SEMA3D: variants seen among roughly 807,000 people sequenced by gnomAD.
The protein encoded by SEMA3D is semaphorin 3D.
In SEMA3D, 84 loss-of-function variants were observed where a neutral mutation model predicts 100.1. The ratio of observed to expected loss-of-function variants is 0.84; its 90% CI spans 0.70 to 1.01. The LOEUF is 1.01. Ranked by LOEUF, SEMA3D falls within the 50% of genes least tolerant of loss-of-function variation. SEMA3D has a pLI of 0.00. For missense variants in SEMA3D, 875 were observed against 934.1 expected (o/e 0.94, Z 0.82); for synonymous variants, 312 against 320.7 (o/e 0.97, Z 0.29).
intron 3 of SEMA3D, among the ~76,000 whole-genome samples, chr7:85,098,323 TA>T (rs1315163744): frequency 6.6e-6 from 1 of 151,718 alleles, no homozygotes; most frequent in African/African-American, 2.4e-5. Context: ...TTAAAATGAA[TA>T]AAAAACATGT....
rs894451948 is a variant in SEMA3D, at chr7:84,996,763, C to A, written c.*2677G>T. The A allele has an allele frequency of 6.6e-6, 1 of 151,928 alleles. No homozygotes were observed. The highest frequency in any genetic ancestry group is 2.1e-4 in the South Asian group (1 of 4,824). The allele number at this position is 151,928 out of a possible 1,614,324, so 9.4% of individuals were successfully genotyped here. A position where few individuals can be genotyped will look rare whatever the true frequency, so the allele number is the denominator to read the frequency against. On this transcript the variant is annotated 3_prime_UTR_variant, in exon 19 of 19. Transcript: ENST00000284136. ...CATGAGTAAACAGGCATTTTAAGAT[C>A]CCCTCCGCAGAGTCAATTTCTTAGC...
chr7:85,136,707 A>G (rs1484021618), intron 2 of SEMA3D, among the ~76,000 whole-genome samples: 2 of 152,140 alleles, frequency 1.3e-5, no homozygotes, highest in African/African-American at 4.8e-5. Flanking sequence ...CTGGGAAAAT[A>G]CATTTTTATT....
Position 85,169,770 on chromosome 7 carries a change from A to AT in SEMA3D, c.-172-16032dup, listed in dbSNP as rs371379171. On this transcript the variant is annotated intron_variant, in intron 1 of 18. Transcript: ENST00000284136. ...ATTCTTTTTTCAAAACTCTACTTAC[A>AT]TTTTTTTTCATTTGCAGATACAAAA... is the stretch of plus-strand genomic sequence containing the variant. Among the ~76,000 whole-genome samples the AT allele has an allele frequency of 2.6e-5, 4 of 151,428 alleles. No homozygotes were observed. The East Asian group carries it at 5.8e-4, about 22-fold the overall frequency.
At chr7:85,096,361 A>G (rs1788554068) in intron 4 of SEMA3D, among the ~76,000 whole-genome samples, 1 of 151,968 alleles carries the variant, frequency 6.6e-6, no homozygotes, top group Non-Finnish European at 1.5e-5. Flanking sequence ...AAATTCTAGT[A>G]CATAATCAAC....
the SEMA3D span, among the ~76,000 whole-genome samples, chr7:85,244,749 T>C: frequency 2.0e-5 from 3 of 149,822 alleles, no homozygotes; most frequent in South Asian, 4.3e-4. Flanking sequence ...TCTCACTCTG[T>C]TGTCAGGCTG....
At chr7:85,174,021 C>A (rs1043256276) in intron 1 of SEMA3D, among the ~76,000 whole-genome samples, 2 of 152,048 alleles carry the variant, frequency 1.3e-5, no homozygotes, top group African/African-American at 4.8e-5. Flanking sequence ...AGGTGTCGAG[C>A]CAGGGCTCCT....
intron 3 of SEMA3D, among the ~76,000 whole-genome samples, chr7:85,112,100 T>C (rs1376490081): frequency 6.6e-6 from 1 of 152,176 alleles, no homozygotes. Context: ...TATATCATAC[T>C]GAATCCAGAT....
chr7:84,997,887 C>G lies in SEMA3D; in HGVS notation c.*1553G>C, dbSNP rs1486344219. ...GTGTTACAAGAAGGAAAGGTGAGTT[C>G]TGCTTAAACAGACAGGAAACACACC... On this transcript the variant is annotated 3_prime_UTR_variant, in exon 19 of 19. Coordinates refer to ENST00000284136, the MANE Select transcript of SEMA3D (RefSeq NM_001384900.1). 2 of 152,118 alleles carry G rather than the reference C, an allele frequency of 1.3e-5. No homozygotes were observed. The highest frequency in any genetic ancestry group is 4.8e-5 in the African/African-American group (2 of 41,408). 9.4% of individuals were successfully genotyped at this position (152,118 alleles called of 1,614,324 possible).
At position 85,055,812 on chromosome 7, in the gene SEMA3D, C is replaced by G. The variant is rs771593015; in HGVS notation, c.766G>C (p.Asp256His). 1.9e-6 allele frequency: 3 copies of G among 1,578,740 alleles called. No homozygotes were observed. Among genetic ancestry groups the G allele is most frequent in the African/African-American group, 1.4e-5 (1 of 73,936 alleles). Residue 256 changes from aspartate (D) to histidine (H), a missense_variant, in exon 9 of 19, where the codon GAT (aspartate) becomes CAT (histidine). Asp to His is a moderately conservative substitution (Grantham distance 81, BLOSUM62 -1). Coordinates refer to ENST00000284136, the MANE Select transcript of SEMA3D (RefSeq NM_001384900.1). ...TFFIPDTYNP[D>H]DDKIYFFFRE... ...AAGAAGAAATATATTTTATCATCAT[C>G]TGGATTGTAGGTGTCTGGTATGAAG...
At chr7:85,142,321 G>A (rs1168367987) in intron 2 of SEMA3D, 5 of 968,854 alleles carry the variant, frequency 5.2e-6, no homozygotes, top group Non-Finnish European at 4.9e-6. Context: ...CTCAGTGTCA[G>A]CCAAAGTTAA....
chr7:85,232,208 T>G, the SEMA3D span, among the ~76,000 whole-genome samples: 2 of 152,192 alleles, frequency 1.3e-5, no homozygotes, highest in Non-Finnish European at 2.9e-5. Flanking sequence ...GGGAATCACA[T>G]GGAAGCTAGG....
intron 12 of SEMA3D, among the ~76,000 whole-genome samples, chr7:85,026,932 A>G (rs1790406381): frequency 6.6e-6 from 1 of 152,070 alleles, no homozygotes; most frequent in Admixed American, 6.6e-5. Flanking sequence ...AGATTAAGCA[A>G]GGTAAAAATT....
intron 12 of SEMA3D, among the ~76,000 whole-genome samples, chr7:85,032,530 G>C (rs897994293): frequency 2.0e-5 from 3 of 151,980 alleles, no homozygotes; most frequent in Admixed American, 2.0e-4. Context: ...GATGTCCTTA[G>C]CTACCACGGA....
Position 85,160,237 on chromosome 7 carries a change from A to G in SEMA3D, c.-172-6498T>C, listed in dbSNP as rs568214358. 7.2e-5 allele frequency among the ~76,000 whole-genome samples: 11 copies of G among 152,256 alleles called. No homozygotes were observed. The South Asian group carries it at 2.3e-3, about 32-fold the overall frequency. ...CCATTGAAGTGTGAACGAAATTGAT[A>G]TGGTTAAGAGATGGATGAACATGCA... On this transcript the variant is annotated intron_variant, in intron 1 of 18. Transcript: ENST00000284136.
chr7:85,053,399 A>G (rs1791221443), intron 9 of SEMA3D, among the ~76,000 whole-genome samples: 1 of 152,020 alleles, frequency 6.6e-6, no homozygotes, highest in Non-Finnish European at 1.5e-5. Context: ...GGGGGGAAGA[A>G]ACAACAGAAA....
At chr7:85,104,090 T>C (rs886202586) in intron 3 of SEMA3D, among the ~76,000 whole-genome samples, 1 of 152,072 alleles carries the variant, frequency 6.6e-6, no homozygotes, top group Non-Finnish European at 1.5e-5. Context: ...ATATTTAAAA[T>C]AATTTCCAAT....
At chr7:85,129,174 A>G (rs1414885172) in intron 2 of SEMA3D, among the ~76,000 whole-genome samples, 3 of 151,986 alleles carry the variant, frequency 2.0e-5, no homozygotes, top group Non-Finnish European at 4.4e-5. Flanking sequence ...TACAGGCGTG[A>G]GCCACTGTGC....
intron 4 of SEMA3D, 102 bp from the exon 5 acceptor site, chr7:85,081,681 A>G: frequency 1.3e-6 from 1 of 762,214 alleles, no homozygotes; most frequent in Non-Finnish European, 2.3e-6. Context: ...AAGAATGAGT[A>G]TTAAGCATGT....
chr7:85,018,270 C>A lies in SEMA3D; in HGVS notation c.1527G>T (p.Met509Ile). 6.3e-7 allele frequency: 1 copy of A among 1,596,312 alleles called. No individual in the cohort carries two copies. Among genetic ancestry groups the A allele is most frequent in the Non-Finnish European group, 8.6e-7 (1 of 1,165,360 alleles). ...AAAGTACCTGCTTCAGAGACAATTC[C>A]ATGTTCAAGATGATTGATGAGTGCT... ...IFKHSSIILN[M>I]ELSLKQQQLY... The change falls in exon 15 of 19, where the codon ATG becomes ATT. Residue 509 changes from methionine to isoleucine, a missense_variant. Physicochemically the swap from Met to Ile is conservative, Grantham distance 10. Coordinates refer to ENST00000284136, the MANE Select transcript of SEMA3D (RefSeq NM_001384900.1).
Sources: gnomAD v4.1 joint callset for allele counts (sites outside exome capture counted in the v4.1 genomes callset) on GRCh38, gnomAD v4.1.1 for gene constraint, MANE v1.5 for transcripts, NCBI Gene and HGNC (gene_info 2026-07-23, HGNC 2026-07-21) for gene names.